The following CYB561 variants were observed in gnomAD, a reference collection of about 807,000 sequenced individuals.
CYB561 encodes cytochrome b561.
Under a neutral mutation model 25.3 loss-of-function variants are expected in CYB561, and 11 were observed. That is an observed-to-expected ratio of 0.44 (90% CI 0.27 to 0.72). CYB561 has a LOEUF of 0.72. CYB561 is among the 30% of genes least tolerant of loss of function. The probability of loss-of-function intolerance (pLI) is 0.18; values close to 1 mark genes in which losing one functional copy is unlikely to be tolerated. For synonymous variants in CYB561, 165 were observed against 158.8 expected (o/e 1.04, Z -0.29); for missense variants, 295 against 334.9 (o/e 0.88, Z 0.93).
chr17:63,444,051 T>G (rs1023891732), intron 1 of CYB561, among the ~76,000 whole-genome samples: 3 of 152,166 alleles, frequency 2.0e-5, no homozygotes, highest in Non-Finnish European at 4.4e-5. Flanking sequence ...TGGCAAGATC[T>G]CGGGTCACCG....
chr17:63,445,278 G>A (rs1451719814), intron 1 of CYB561, among the ~76,000 whole-genome samples: 1 of 152,140 alleles, frequency 6.6e-6, no homozygotes, highest in Non-Finnish European at 1.5e-5. Flanking sequence ...AGCTCTAGGA[G>A]GCTCCCTCAT....
In CYB561 at chr17:63,436,560, A is replaced by G; in HGVS notation, c.203-408T>C. On this transcript the variant is annotated intron_variant, in intron 2 of 5. Coordinates refer to ENST00000360793, the MANE Select transcript of CYB561 (RefSeq NM_001915.4). This position sits in a 1 kb window ranked among gnomAD's most constrained non-coding sequence, Gnocchi z 4.8. Reference sequence around the variant, plus strand: ...TCTTGTCAGGTGTCCTGCAAATTCCAGGCTGTGTTTGAGGTCCACTGTTGG... The same window carrying G: ...TCTTGTCAGGTGTCCTGCAAATTCCGGGCTGTGTTTGAGGTCCACTGTTGG... 5.4e-6 allele frequency: 1 copy of G among 186,308 alleles called. No homozygotes were observed. The highest frequency in any genetic ancestry group is 1.1e-5 in the Non-Finnish European group (1 of 87,352). The allele number at this position is 186,308 out of a possible 1,614,324, so 11.5% of individuals were successfully genotyped here. A position where few individuals can be genotyped will look rare whatever the true frequency, so the allele number is the denominator to read the frequency against.
intron 3 of CYB561, 69 bp downstream of exon 3, chr17:63,435,985 G>A (rs764008469): frequency 6.2e-7 from 1 of 1,611,720 alleles, no homozygotes; most frequent in South Asian, 1.1e-5. Flanking sequence ...AACAGAGCAG[G>A]TGAAGCGGCT....
chr17:63,440,155 C>T (rs1173320096), intron 1 of CYB561: 2 of 398,554 alleles, frequency 5.0e-6, no homozygotes, highest in African/African-American at 4.1e-5. Context: ...ACCCCAAATT[C>T]AAGCCCCATT....
intron 1 of CYB561, among the ~76,000 whole-genome samples, chr17:63,441,322 C>A (rs1316499691): frequency 6.6e-6 from 1 of 152,254 alleles, no homozygotes; most frequent in African/African-American, 2.4e-5. Context: ...TAATGTCACC[C>A]TTAAATGACA....
At position 63,443,093 on chromosome 17, in the gene CYB561, C is replaced by T. The variant is rs191737857; in HGVS notation, c.-14+3152G>A. Among the ~76,000 whole-genome samples, 9 of 152,300 alleles carry T rather than the reference C, an allele frequency of 5.9e-5. No individual in the cohort carries two copies. The East Asian group carries it at 1.7e-3, about 29-fold the overall frequency. Reference sequence around the variant, plus strand: ...TCTTCTTGATGGGTGAAGGGGAAAACAGCTCAATTGCCCTAGAGCGTCCTA... The same window carrying T: ...TCTTCTTGATGGGTGAAGGGGAAAATAGCTCAATTGCCCTAGAGCGTCCTA... On this transcript the variant is annotated intron_variant, in intron 1 of 5. Coordinates refer to ENST00000360793, the MANE Select transcript of CYB561 (RefSeq NM_001915.4).
intron 1 of CYB561, chr17:63,437,981 C>CCA: frequency 1.0e-5 from 8 of 774,036 alleles, no homozygotes; most frequent in African/African-American, 1.9e-5. Context: ...CCCCGCCACC[C>CCA]TCCCCCGAGG....
Position 63,434,569 on chromosome 17 carries a change from C to G in CYB561, c.589G>C (p.Glu197Gln). The G allele has an allele frequency of 1.9e-6, 3 of 1,611,788 alleles. No individual in the cohort carries two copies. The highest frequency in any genetic ancestry group is 1.7e-6 in the Non-Finnish European group (2 of 1,179,936). The change falls in exon 6 of 6, where the codon GAG (glutamate) becomes CAG (glutamine). Residue 197 changes from glutamate (E) to glutamine (Q), a missense_variant. Transcript: ENST00000360793. ...CCCAGCACGTTGGCCAGGACACCCT[C>G]GGGCTCAAATGCGCTATACTTGCCC... ...LGGKYSAFEP[E>Q]GVLANVLGLL...
chr17:63,436,158 G>A lies in CYB561; in HGVS notation c.203-6C>T. 6.2e-7 allele frequency: 1 copy of A among 1,613,746 alleles called. No individual in the cohort carries two copies. Among genetic ancestry groups the A allele is most frequent in the Non-Finnish European group, 8.5e-7 (1 of 1,179,682 alleles). ...GACACGGTAAACCAGCAGGGCTGTGGGAGGTGAGAGAGGGAACGTGAGTGC... is the reference window on the plus strand; with the variant it reads ...GACACGGTAAACCAGCAGGGCTGTGAGAGGTGAGAGAGGGAACGTGAGTGC... On this transcript the variant is annotated splice_region_variant and splice_polypyrimidine_tract_variant and intron_variant, in intron 2 of 5. Transcript: ENST00000360793. This position sits in a 1 kb window ranked among gnomAD's most constrained non-coding sequence, Gnocchi z 4.8.
At position 63,441,418 on chromosome 17, in the gene CYB561, C is replaced by T. The variant is rs75132167; in HGVS notation, c.-13-3858G>A. 8.9e-3 allele frequency among the ~76,000 whole-genome samples: 1,362 copies of T among 152,366 alleles called. 10 individuals carry two copies. Among genetic ancestry groups the T allele is most frequent in the Non-Finnish European group, 0.011 (778 of 68,042 alleles). ...GGACAAGCGACAGGCCCCCAAATTC[C>T]CATCAGCAAATAGCAGCTCAACTCA... On this transcript the variant is annotated intron_variant, in intron 1 of 5. Transcript: ENST00000360793.
chr17:63,443,061 C>G (rs558264836), intron 1 of CYB561, among the ~76,000 whole-genome samples: 1 of 152,152 alleles, frequency 6.6e-6, no homozygotes, highest in South Asian at 2.1e-4. Context: ...GCGGAAAGGC[C>G]GATATCTCTT....
At chr17:63,441,625 G>A (rs958583966) in intron 1 of CYB561, among the ~76,000 whole-genome samples, 11 of 152,212 alleles carry the variant, frequency 7.2e-5, no homozygotes, top group Admixed American at 1.3e-4. Flanking sequence ...CACGGAAGAC[G>A]GCACCCCTGC....
Position 63,432,432 on chromosome 17 carries a change from GTCAT to G in CYB561, c.*1966_*1969del, listed in dbSNP as rs2049233980. On this transcript the variant is annotated 3_prime_UTR_variant, in exon 6 of 6. Transcript: ENST00000360793. ...TCTGGGGGCCTTCTTCAGCTCCTTAGTCATCCAGTGTTCACTTTGGCAAACAGAC... is the reference window on the plus strand; with the variant it reads ...TCTGGGGGCCTTCTTCAGCTCCTTAGCCAGTGTTCACTTTGGCAAACAGAC... 2 of 152,200 alleles carry G rather than the reference GTCAT, an allele frequency of 1.3e-5. No individual in the cohort carries two copies. The highest frequency in any genetic ancestry group is 2.9e-5 in the Non-Finnish European group (2 of 68,032). The allele number at this position is 152,200 out of a possible 1,614,324, so 9.4% of individuals were successfully genotyped here.
intron 1 of CYB561, among the ~76,000 whole-genome samples, chr17:63,440,402 CCACCCA>C (rs2049363177): frequency 6.6e-6 from 1 of 152,194 alleles, no homozygotes; most frequent in African/African-American, 2.4e-5. Context: ...CCTCACTGCC[CCACCCA>C]AGTCAGGGCC....
At chr17:63,444,384 G>A (rs1442933250) in intron 1 of CYB561, among the ~76,000 whole-genome samples, 1 of 152,222 alleles carries the variant, frequency 6.6e-6, no homozygotes, top group East Asian at 1.9e-4. Flanking sequence ...TAAAGTGGAG[G>A]ATATCTGGAG....
In CYB561 at chr17:63,433,242, T is replaced by C. The variant is rs558130412; in HGVS notation, c.*1160A>G. On this transcript the variant is annotated 3_prime_UTR_variant, in exon 6 of 6. Coordinates refer to ENST00000360793, the MANE Select transcript of CYB561 (RefSeq NM_001915.4). ...TAGAGACGGGGTTTCACTGTGTTTGTTAGTCAGGATGGTCTTGATCTCCTG... is the reference window on the plus strand; with the variant it reads ...TAGAGACGGGGTTTCACTGTGTTTGCTAGTCAGGATGGTCTTGATCTCCTG... 22 of 396,036 alleles carry C rather than the reference T, an allele frequency of 5.6e-5. No individual in the cohort carries two copies. The highest frequency in any genetic ancestry group is 3.1e-4 in the Admixed American group (7 of 22,644). 24.5% of individuals were successfully genotyped at this position (396,036 alleles called of 1,614,324 possible). A position where few individuals can be genotyped will look rare whatever the true frequency, so the allele number is the denominator to read the frequency against.
At chr17:63,437,970 G>GGCCCCCCCCCCCCCCC in intron 1 of CYB561, 6 of 643,050 alleles carry the variant, frequency 9.3e-6, no homozygotes, top group Admixed American at 3.2e-5. Flanking sequence ...TCCCACGGCG[G>GGCCCCCCCCCCCCCCC]CCCCGCCACC....
At chr17:63,441,191 G>A (rs954418940) in intron 1 of CYB561, among the ~76,000 whole-genome samples, 11 of 152,168 alleles carry the variant, frequency 7.2e-5, no homozygotes, top group Non-Finnish European at 1.5e-4. Context: ...CCGGGGAGTC[G>A]GAACCATAAC....
rs994154415 is a variant in CYB561, at chr17:63,432,532, C to T, written c.*1870G>A. 4 of 152,216 alleles carry T rather than the reference C, an allele frequency of 2.6e-5. No individual in the cohort carries two copies. The highest frequency in any genetic ancestry group is 7.2e-5 in the African/African-American group (3 of 41,460). The allele number at this position is 152,216 out of a possible 1,614,324, so 9.4% of individuals were successfully genotyped here. A position where few individuals can be genotyped will look rare whatever the true frequency, so the allele number is the denominator to read the frequency against. ...GTAGCATTCCGGCTAGAGAGAGACA[C>T]GATTGTACTTTGGTAGTTTGTCTAA... On this transcript the variant is annotated 3_prime_UTR_variant, in exon 6 of 6. Coordinates refer to ENST00000360793, the MANE Select transcript of CYB561 (RefSeq NM_001915.4).
Sources: allele counts gnomAD v4.1 joint callset (sites outside exome capture counted in the v4.1 genomes callset), GRCh38; gene constraint gnomAD v4.1.1; non-coding constraint Gnocchi (gnomAD v3.1); transcripts MANE v1.5; gene names NCBI Gene and HGNC (gene_info 2026-07-23, HGNC 2026-07-21).